The following DCBLD1 variants were observed in gnomAD, a reference collection of about 807,000 sequenced individuals.
The protein encoded by DCBLD1 is discoidin, CUB and LCCL domain-containing protein 1.
DCBLD1 carries 57 observed loss-of-function variants against 71.5 expected under a neutral mutation model. The observed-to-expected ratio is 0.80, with a 90% CI of 0.64 to 0.99. DCBLD1 has a LOEUF of 0.99. DCBLD1 is among the 50% of genes least tolerant of loss of function. The pLI is 0.00. For missense variants in DCBLD1, 891 were observed against 923.5 expected, an observed-to-expected ratio of 0.96 and a Z score of 0.46; for synonymous variants, 380 against 363.8, an observed-to-expected ratio of 1.04 and a Z score of -0.51.
intron 3 of DCBLD1, among the ~76,000 whole-genome samples, chr6:117,520,960 C>T (rs1009085499): frequency 6.6e-6 from 1 of 152,246 alleles, no homozygotes. Context: ...TCAAGGTCCA[C>T]TGTATCTTAG....
chr6:117,568,315 T>G (rs1177837919), intron 14 of DCBLD1, among the ~76,000 whole-genome samples: 1 of 152,238 alleles, frequency 6.6e-6, no homozygotes, highest in African/African-American at 2.4e-5. Context: ...TTGGCAATTC[T>G]GAAAACTATG....
At chr6:117,505,463 C>A (rs1166533071) in intron 2 of DCBLD1, among the ~76,000 whole-genome samples, 1 of 152,078 alleles carries the variant, frequency 6.6e-6, no homozygotes, top group East Asian at 1.9e-4. Flanking sequence ...GAAGCATCTG[C>A]CTTGCCTGGA....
intron 4 of DCBLD1, among the ~76,000 whole-genome samples, chr6:117,522,573 C>G (rs1017894818): frequency 6.6e-6 from 1 of 152,098 alleles, no homozygotes; most frequent in African/African-American, 2.4e-5. Context: ...TCCCAAGTAG[C>G]TGGGACGACA....
chr6:117,484,400 G>A (rs1053043033), intron 1 of DCBLD1, among the ~76,000 whole-genome samples: 1 of 152,170 alleles, frequency 6.6e-6, no homozygotes, highest in Non-Finnish European at 1.5e-5. Context: ...CCAGGCTGCA[G>A]TGCAGTGGCA....
chr6:117,514,591 C>CAA lies in DCBLD1; in HGVS notation c.326-5209_326-5208dup, dbSNP rs59209418. 1.8e-4 allele frequency among the ~76,000 whole-genome samples: 20 copies of CAA among 109,112 alleles called. No homozygotes were observed. In the East Asian group the frequency reaches 2.5e-3, roughly 14 times the overall value. The allele number at this position is 109,112 out of a possible 152,430, so 71.6% of individuals were successfully genotyped here. A position where few individuals can be genotyped will look rare whatever the true frequency, so the allele number is the denominator to read the frequency against. ...TGGGTGACAGAGAAAGACCCTGTCTCAAAAAAAAAAAAAAAAATCCTCTCA... is the reference window on the plus strand; with the variant it reads ...TGGGTGACAGAGAAAGACCCTGTCTCAAAAAAAAAAAAAAAAAAATCCTCTCA... On this transcript the variant is annotated intron_variant, in intron 2 of 14. Transcript: ENST00000338728.
chr6:117,553,573 A>G (rs1779458270), downstream of DCBLD1, among the ~76,000 whole-genome samples: 1 of 152,182 alleles, frequency 6.6e-6, no homozygotes. Context: ...CTTTCTTCGA[A>G]CAGTGATCTC....
At chr6:117,529,646 A>G (rs946953794) in intron 5 of DCBLD1, among the ~76,000 whole-genome samples, 2 of 152,216 alleles carry the variant, frequency 1.3e-5, no homozygotes, top group African/African-American at 2.4e-5. Flanking sequence ...ATAAACATCA[A>G]TTTCCTTTAA....
intron 14 of DCBLD1, among the ~76,000 whole-genome samples, chr6:117,567,644 T>C (rs1779725367): frequency 6.6e-6 from 1 of 152,140 alleles, no homozygotes. Flanking sequence ...CTCGTACTAA[T>C]AGTAATTACT....
intron 1 of DCBLD1, among the ~76,000 whole-genome samples, chr6:117,489,276 C>T (rs1035035587): frequency 1.3e-5 from 2 of 152,108 alleles, no homozygotes; most frequent in African/African-American, 4.8e-5. Flanking sequence ...AACCATCCAG[C>T]TCTTGTGTGA....
chr6:117,537,273 G>C (rs775288005), intron 7 of DCBLD1, 48 bp downstream of exon 7: 2 of 1,585,074 alleles, frequency 1.3e-6, no homozygotes, highest in Admixed American at 3.3e-5. Context: ...GGTGGCTCAC[G>C]CCTATAATCC....
At chr6:117,530,669 A>G (rs1383859911) in intron 5 of DCBLD1, among the ~76,000 whole-genome samples, 1 of 152,226 alleles carries the variant, frequency 6.6e-6, no homozygotes, top group East Asian at 1.9e-4. Flanking sequence ...GTGGAGTTAG[A>G]GGCAAAGCCA....
chr6:117,538,734 T>A lies in DCBLD1; in HGVS notation c.875T>A (p.Leu292His), dbSNP rs1383615320. 13 of 1,614,058 alleles carry A rather than the reference T, an allele frequency of 8.1e-6. No individual in the cohort carries two copies. Among genetic ancestry groups the A allele is most frequent in the African/African-American group, 1.3e-5 (1 of 74,908 alleles). Residue 292 changes from leucine to histidine, a missense_variant, in exon 8 of 15, where the codon CTT (leucine) becomes CAT (histidine). Leu to His is a moderately conservative substitution (Grantham distance 99). Transcript: ENST00000338728. ...QVHWSPGQAR[L>H]QDQGPSWASG... Reference sequence around the variant, plus strand: ...CACTGGTCTCCTGGCCAAGCCCGACTTCAGGACCAAGGCCCATCATGGGCT... The same window carrying A: ...CACTGGTCTCCTGGCCAAGCCCGACATCAGGACCAAGGCCCATCATGGGCT...
intron 1 of DCBLD1, among the ~76,000 whole-genome samples, chr6:117,493,993 T>C (rs1582965963): frequency 6.6e-6 from 1 of 152,180 alleles, no homozygotes; most frequent in East Asian, 1.9e-4. Context: ...TGTGAAATAA[T>C]TTGTAATCAA....
intron 1 of DCBLD1, among the ~76,000 whole-genome samples, chr6:117,501,848 C>G (rs1415812760): frequency 6.6e-6 from 1 of 152,184 alleles, no homozygotes; most frequent in Non-Finnish European, 1.5e-5. Flanking sequence ...CAAACTTAAC[C>G]AAACTTACAA....
chr6:117,497,784 A>G (rs1488728998), intron 1 of DCBLD1, among the ~76,000 whole-genome samples: 1 of 152,226 alleles, frequency 6.6e-6, no homozygotes, highest in African/African-American at 2.4e-5. Flanking sequence ...GCTAATGTTG[A>G]AAGTAGCCTT....
At chr6:117,504,945 T>C (rs1777789739) in intron 2 of DCBLD1, among the ~76,000 whole-genome samples, 3 of 152,228 alleles carry the variant, frequency 2.0e-5, no homozygotes, top group Non-Finnish European at 4.4e-5. Context: ...CTTTCTCACC[T>C]GTCTTGACCT....
chr6:117,562,486 G>A, intron 14 of DCBLD1: 1 of 203,318 alleles, frequency 4.9e-6, no homozygotes, highest in Non-Finnish European at 1.0e-5. Flanking sequence ...AACATGAATG[G>A]GTAAATGCTC....
rs1321950870 is a variant in DCBLD1 at position 117,482,794 on chromosome 6, G to T, written c.13G>T (p.Ala5Ser). The change falls in exon 1 of 15, where the codon GCC becomes TCC. Residue 5 changes from alanine (A) to serine (S), a missense_variant. Transcript: ENST00000338728. MVPG[A>S]RGGGALARAA... Reference sequence around the variant, plus strand: ...GCCCAGCGGGGTCATGGTGCCCGGCGCCCGCGGCGGCGGCGCACTGGCGCG... The same window carrying T: ...GCCCAGCGGGGTCATGGTGCCCGGCTCCCGCGGCGGCGGCGCACTGGCGCG... The T allele has an allele frequency of 2.6e-6, 3 of 1,146,028 alleles. No individual in the cohort carries two copies. The highest frequency in any genetic ancestry group is 3.3e-5 in the African/African-American group (2 of 61,248). The allele number at this position is 1,146,028 out of a possible 1,614,324, so 71.0% of individuals were successfully genotyped here.
downstream of DCBLD1, among the ~76,000 whole-genome samples, chr6:117,550,379 T>C (rs1358850434): frequency 1.3e-5 from 2 of 152,188 alleles, no homozygotes; most frequent in Non-Finnish European, 2.9e-5. Context: ...TTTACATCTT[T>C]CTTTTTTGGT....
Sources: allele counts gnomAD v4.1 joint callset (sites outside exome capture counted in the v4.1 genomes callset), GRCh38; gene constraint gnomAD v4.1.1; transcripts MANE v1.5; gene names NCBI Gene and HGNC (gene_info 2026-07-23, HGNC 2026-07-21).